Variants in CDH13 observed in about 807,000 individuals in gnomAD.
CDH13 encodes the protein cadherin-13.
CDH13 carries 24 observed loss-of-function variants against 63.8 expected under a neutral mutation model. The ratio of observed to expected loss-of-function variants is 0.38; its 90% confidence interval spans 0.27 to 0.53. CDH13 has a LOEUF of 0.53. Ranked by LOEUF, CDH13 falls within the 20% of genes least tolerant of loss-of-function variation. The probability of loss-of-function intolerance (pLI) is 0.85; values close to 1 mark genes in which losing one functional copy is unlikely to be tolerated. For missense variants in CDH13, 1,049 were observed against 903.1 expected, an observed-to-expected ratio of 1.16 and a Z score of -2.07; for synonymous variants, 503 against 355.3, an observed-to-expected ratio of 1.42 and a Z score of -4.67.
At chr16:83,110,464 G>T (rs1354709710) in intron 3 of CDH13, among the ~76,000 whole-genome samples, 1 of 152,134 alleles carries the variant, frequency 6.6e-6, no homozygotes, top group Non-Finnish European at 1.5e-5. Context: ...TCCCGAAGGG[G>T]TGCCTCCCAG....
chr16:83,118,821 G>A (rs925468561), intron 3 of CDH13, among the ~76,000 whole-genome samples: 1 of 152,124 alleles, frequency 6.6e-6, no homozygotes, highest in African/African-American at 2.4e-5. Context: ...TGAGGCTGAT[G>A]TAACTGCTGA....
chr16:83,044,221 C>A (rs2151492604), intron 3 of CDH13, among the ~76,000 whole-genome samples: 1 of 152,312 alleles, frequency 6.6e-6, no homozygotes, highest in East Asian at 1.9e-4. Context: ...GTGCCATCAT[C>A]CATCAGTAAG....
intron 1 of CDH13, among the ~76,000 whole-genome samples, chr16:82,682,244 G>A (rs1004322498): frequency 6.6e-6 from 1 of 152,176 alleles, no homozygotes; most frequent in Non-Finnish European, 1.5e-5. Flanking sequence ...TGCTAAAAGT[G>A]CAGATTCCCA....
chr16:82,857,042 A>C (rs2039731177), intron 1 of CDH13, among the ~76,000 whole-genome samples: 1 of 152,310 alleles, frequency 6.6e-6, no homozygotes, highest in Non-Finnish European at 1.5e-5. Context: ...TTAGAGACAT[A>C]TCTCGTACAA....
At chr16:83,459,294 T>C (rs2073110594) in intron 6 of CDH13, among the ~76,000 whole-genome samples, 1 of 152,240 alleles carries the variant, frequency 6.6e-6, no homozygotes, top group Non-Finnish European at 1.5e-5. Flanking sequence ...TTAATGAGCC[T>C]TTCTTCCTAG....
rs569935184 is a variant in CDH13, at chr16:83,540,044, T to C, written c.960+53389T>C. Among the ~76,000 whole-genome samples the C allele has an allele frequency of 5.9e-5, 9 of 151,900 alleles. No homozygotes were observed. In the East Asian group the frequency reaches 1.7e-3, roughly 30 times the overall value. Reference sequence around the variant, plus strand: ...CCTGGACAAGACTGATTTTTAAAATTCTTTATGTTATTGTCAATAAATTTT... The same window carrying C: ...CCTGGACAAGACTGATTTTTAAAATCCTTTATGTTATTGTCAATAAATTTT... On this transcript the variant is annotated intron_variant, in intron 7 of 13. Transcript: ENST00000567109.
intron 9 of CDH13, among the ~76,000 whole-genome samples, chr16:83,674,793 T>C (rs911859732): frequency 6.6e-6 from 1 of 152,248 alleles, no homozygotes; most frequent in African/African-American, 2.4e-5. Flanking sequence ...CTTAGCTGCT[T>C]TCTAAACCGA....
chr16:83,724,521 G>C (rs1248160201), intron 10 of CDH13, among the ~76,000 whole-genome samples: 1 of 152,058 alleles, frequency 6.6e-6, no homozygotes, highest in East Asian at 1.9e-4. Flanking sequence ...TGAGTCGGTG[G>C]ATGAATGCAT....
intron 6 of CDH13, among the ~76,000 whole-genome samples, chr16:83,349,037 C>A (rs186242339): frequency 3.9e-5 from 6 of 152,306 alleles, no homozygotes; most frequent in African/African-American, 1.4e-4. Context: ...AGGAAGGTCA[C>A]CCATATTTAT....
At chr16:82,727,681 C>A (rs966759870) in intron 1 of CDH13, 2 of 152,144 alleles carry the variant, frequency 1.3e-5, no homozygotes, top group Non-Finnish European at 2.9e-5. Flanking sequence ...TCTGGAGGTA[C>A]TTATATTGCT....
intron 4 of CDH13, among the ~76,000 whole-genome samples, chr16:83,142,247 G>A (rs1038003255): frequency 6.4e-5 from 9 of 140,400 alleles, no homozygotes; most frequent in African/African-American, 1.3e-4. Flanking sequence ...CACAGCCTCC[G>A]CCTTCTGGGT....
At chr16:83,080,694 C>T (rs1309762292) in intron 3 of CDH13, among the ~76,000 whole-genome samples, 1 of 151,966 alleles carries the variant, frequency 6.6e-6, no homozygotes, top group African/African-American at 2.4e-5. Context: ...CAGTCTTGAT[C>T]AGAAACAAGT....
At chr16:83,467,388 T>C (rs186553687) in intron 6 of CDH13, among the ~76,000 whole-genome samples, 3 of 152,300 alleles carry the variant, frequency 2.0e-5, no homozygotes, top group East Asian at 3.9e-4. Flanking sequence ...TGAGCGGATG[T>C]CACACATTCA....
chr16:82,896,525 G>A (rs1390671243), intron 2 of CDH13, among the ~76,000 whole-genome samples: 2 of 151,508 alleles, frequency 1.3e-5, no homozygotes, highest in African/African-American at 4.9e-5. Context: ...CAAACTCCTG[G>A]GCTCAAGCAA....
At chr16:83,153,923 G>A (rs914702452) in intron 4 of CDH13, among the ~76,000 whole-genome samples, 1 of 152,150 alleles carries the variant, frequency 6.6e-6, no homozygotes, top group Non-Finnish European at 1.5e-5. Flanking sequence ...GGCAGGAGTA[G>A]GGAAGAATGA....
intron 6 of CDH13, among the ~76,000 whole-genome samples, chr16:83,419,338 C>T (rs1223662927): frequency 2.0e-5 from 3 of 152,196 alleles, no homozygotes; most frequent in African/African-American, 7.2e-5. Context: ...TGTAATTAGC[C>T]ACACATATAA....
intron 3 of CDH13, among the ~76,000 whole-genome samples, chr16:83,118,767 C>T (rs144474271): frequency 7.5e-4 from 114 of 152,150 alleles, no homozygotes; most frequent in African/African-American, 2.7e-3. Flanking sequence ...TCCTTCAACC[C>T]CTCTGTGTCC....
intron 2 of CDH13, among the ~76,000 whole-genome samples, chr16:83,004,679 A>T (rs1310954453): frequency 6.6e-6 from 1 of 152,036 alleles, no homozygotes; most frequent in African/African-American, 2.4e-5. Context: ...TTGTCTCTTT[A>T]GTAGAGTTTG....
intron 3 of CDH13, among the ~76,000 whole-genome samples, chr16:83,104,498 T>G (rs576000765): frequency 6.6e-5 from 10 of 152,094 alleles, no homozygotes; most frequent in African/African-American, 2.2e-4. Flanking sequence ...AAAGAGAAAT[T>G]ATTGTTTAAG....
Sources: allele counts gnomAD v4.1 joint callset (sites outside exome capture counted in the v4.1 genomes callset), GRCh38; gene constraint gnomAD v4.1.1; transcripts MANE v1.5; gene names NCBI Gene and HGNC (gene_info 2026-07-23, HGNC 2026-07-21).